The following CRIM1 variants were observed in gnomAD, a reference collection of about 807,000 sequenced individuals.
CRIM1 encodes cysteine-rich motor neuron 1 protein.
In CRIM1, 32 loss-of-function variants were observed where a neutral mutation model predicts 116.4. That is an observed-to-expected ratio of 0.27 (90% CI 0.21 to 0.37). The LOEUF (loss-of-function observed/expected upper bound fraction) is 0.37, where lower values mean the gene tolerates loss of function less well. CRIM1 is among the 10% of genes least tolerant of loss of function. The probability of loss-of-function intolerance (pLI) is 1.00; values close to 1 mark genes in which losing one functional copy is unlikely to be tolerated. For synonymous variants in CRIM1, 590 were observed against 509.2 expected, an observed-to-expected ratio of 1.16 and a Z score of -2.13; for missense variants, 1,331 against 1,354.8, an observed-to-expected ratio of 0.98 and a Z score of 0.28.
chr2:36,388,460 A>T (rs889249801), intron 1 of CRIM1, among the ~76,000 whole-genome samples: 2 of 152,194 alleles, frequency 1.3e-5, no homozygotes, highest in African/African-American at 4.8e-5. Flanking sequence ...GTACAATTTC[A>T]ATAAAGATGC....
chr2:36,361,765 T>A (rs1669238911), intron 1 of CRIM1, among the ~76,000 whole-genome samples: 1 of 151,776 alleles, frequency 6.6e-6, no homozygotes, highest in Non-Finnish European at 1.5e-5. Context: ...GTAAAATGAG[T>A]GGAAGGGAAA....
chr2:36,529,316 T>C (rs1186639564), intron 13 of CRIM1: 1 of 378,346 alleles, frequency 2.6e-6, no homozygotes, highest in East Asian at 7.3e-5. Flanking sequence ...GTGCAGAAAC[T>C]GGCCAATCTG....
chr2:36,391,294 A>AT (rs1671574607), intron 1 of CRIM1, among the ~76,000 whole-genome samples: 1 of 150,942 alleles, frequency 6.6e-6, no homozygotes, highest in Admixed American at 6.6e-5. Context: ...ACGCCAGCTA[A>AT]TTTTTTTGTA....
chr2:36,389,220 A>G (rs535852389), intron 1 of CRIM1, among the ~76,000 whole-genome samples: 1 of 152,358 alleles, frequency 6.6e-6, no homozygotes, highest in South Asian at 2.1e-4. Context: ...GAGAAAGAGA[A>G]GGAAGCACCA....
At chr2:36,444,719 C>G (rs1018809133) in intron 4 of CRIM1, among the ~76,000 whole-genome samples, 9 of 152,142 alleles carry the variant, frequency 5.9e-5, no homozygotes, top group Non-Finnish European at 1.0e-4. Flanking sequence ...CATCAGTGAC[C>G]CATACTCATC....
rs747456147 is a variant in CRIM1 at position 36,512,334 on chromosome 2, A to G, written c.1720A>G (p.Lys574Glu). The change falls in exon 10 of 17, where the codon AAG becomes GAG. Residue 574 changes from lysine to glutamate, a missense_variant. This residue lies in a region of CRIM1 where 358 missense variants were observed against 436.1 expected (regional missense o/e 0.82). Coordinates refer to ENST00000280527, the MANE Select transcript of CRIM1 (RefSeq NM_016441.3). ...GAAATGTCCAGAGCTCTCATGCAGT[A>G]AGATCTGCCCCTTGGGTTTCCAGCA... Reference protein sequence around the residue: ...CKKCPELSCSKICPLGFQQDS... With the variant: ...CKKCPELSCSEICPLGFQQDS... 2.5e-6 allele frequency: 4 copies of G among 1,614,074 alleles called. No homozygotes were observed. The South Asian group carries it at 4.4e-5, about 18-fold the overall frequency.
At chr2:36,450,787 T>C (rs1397666451) in intron 4 of CRIM1, among the ~76,000 whole-genome samples, 2 of 152,264 alleles carry the variant, frequency 1.3e-5, no homozygotes, top group African/African-American at 4.8e-5. Context: ...TCTAAATATT[T>C]GCACCAAGCT....
At chr2:36,406,157 TTA>T (rs1373286760) in intron 2 of CRIM1, among the ~76,000 whole-genome samples, 1 of 152,254 alleles carries the variant, frequency 6.6e-6, no homozygotes, top group African/African-American at 2.4e-5. Flanking sequence ...GAAAATTAAA[TTA>T]TATGTTCTCC....
At chr2:36,365,487 A>G (rs886089989) in intron 1 of CRIM1, among the ~76,000 whole-genome samples, 6 of 152,160 alleles carry the variant, frequency 3.9e-5, no homozygotes, top group African/African-American at 1.4e-4. Flanking sequence ...CTTGGGAATG[A>G]GCAGGAGAGG....
chr2:36,377,612 C>G (rs1240169293), intron 1 of CRIM1, among the ~76,000 whole-genome samples: 3 of 152,150 alleles, frequency 2.0e-5, no homozygotes, highest in Non-Finnish European at 4.4e-5. Flanking sequence ...TTAACTCATT[C>G]ATGTAAAGCA....
intron 1 of CRIM1, among the ~76,000 whole-genome samples, chr2:36,362,613 C>T (rs1037628914): frequency 2.6e-5 from 4 of 152,160 alleles, no homozygotes; most frequent in African/African-American, 9.7e-5. Context: ...CTGCTGCTTG[C>T]CCTGGGCAGT....
chr2:36,376,664 G>T (rs1670342385), intron 1 of CRIM1, among the ~76,000 whole-genome samples: 1 of 152,086 alleles, frequency 6.6e-6, no homozygotes, highest in African/African-American at 2.4e-5. Flanking sequence ...TTTACCTCTG[G>T]AGTTGGTGCT....
At chr2:36,408,866 A>T (rs1172908270) in intron 2 of CRIM1, among the ~76,000 whole-genome samples, 1 of 152,178 alleles carries the variant, frequency 6.6e-6, no homozygotes, top group Non-Finnish European at 1.5e-5. Flanking sequence ...AAACTCACAG[A>T]CAGTCAAAAA....
intron 2 of CRIM1, among the ~76,000 whole-genome samples, chr2:36,413,146 T>G (rs1483228995): frequency 6.6e-6 from 1 of 152,150 alleles, no homozygotes; most frequent in Non-Finnish European, 1.5e-5. Flanking sequence ...TATAAATAAA[T>G]CATGTTTGAA....
At chr2:36,482,674 A>G (rs536335379) in intron 7 of CRIM1, among the ~76,000 whole-genome samples, 1 of 152,358 alleles carries the variant, frequency 6.6e-6, no homozygotes, top group South Asian at 2.1e-4. Flanking sequence ...TAGTTTATAC[A>G]CACAATAAAT....
intron 4 of CRIM1, among the ~76,000 whole-genome samples, chr2:36,449,634 G>T (rs772522788): frequency 6.6e-6 from 1 of 152,144 alleles, no homozygotes; most frequent in Non-Finnish European, 1.5e-5. Flanking sequence ...GGATTTGATT[G>T]TCTCAAAAGT....
chr2:36,503,725 A>G (rs1479686181), intron 8 of CRIM1, among the ~76,000 whole-genome samples: 1 of 151,902 alleles, frequency 6.6e-6, no homozygotes, highest in African/African-American at 2.4e-5. Context: ...TTTTTTTTCT[A>G]TTGCAGCTGC....
intron 7 of CRIM1, among the ~76,000 whole-genome samples, chr2:36,479,945 T>C (rs1411859195): frequency 3.3e-5 from 5 of 152,194 alleles, no homozygotes; most frequent in Non-Finnish European, 5.9e-5. Flanking sequence ...AGTATAAGAA[T>C]ATGTACATTT....
At chr2:36,473,421 G>T (rs998268279) in intron 5 of CRIM1, among the ~76,000 whole-genome samples, 5 of 152,116 alleles carry the variant, frequency 3.3e-5, no homozygotes, top group African/African-American at 1.2e-4. Context: ...GTTGTTTTCA[G>T]TGTATGCTCA....
Sources: allele counts gnomAD v4.1 joint callset (sites outside exome capture counted in the v4.1 genomes callset), GRCh38; gene constraint gnomAD v4.1.1; regional missense constraint gnomAD v4.1.1; transcripts MANE v1.5; gene names NCBI Gene and HGNC (gene_info 2026-07-23, HGNC 2026-07-21).